MAML3: variants seen among roughly 807,000 people sequenced by gnomAD.
The protein encoded by MAML3 is mastermind like transcriptional coactivator 3, also known as mastermind-like protein 3.
MAML3 carries 27 observed loss-of-function variants against 101.9 expected under a neutral mutation model. That is an observed-to-expected ratio of 0.27 (90% CI 0.20 to 0.37). The LOEUF (loss-of-function observed/expected upper bound fraction) is 0.37, where lower values mean the gene tolerates loss of function less well. Ranked by LOEUF, MAML3 falls within the 10% of genes least tolerant of loss-of-function variation. MAML3 has a pLI of 1.00. For missense variants in MAML3, 1,316 were observed against 1,444.9 expected, an observed-to-expected ratio of 0.91 and a Z score of 1.45; for synonymous variants, 501 against 555.9, an observed-to-expected ratio of 0.90 and a Z score of 1.39.
intron 1 of MAML3, among the ~76,000 whole-genome samples, chr4:139,902,265 A>G (rs13146133): frequency 0.73 from 104,648 of 142,462 alleles, 38,838 homozygotes; most frequent in Non-Finnish European, 0.85. Flanking sequence ...ACACACACGC[A>G]CACACACACG....
rs1473280490 is a variant in MAML3 at position 139,717,128 on chromosome 4, T to A, written c.*2195A>T. The A allele has an allele frequency of 6.6e-6, 1 of 152,572 alleles. No homozygotes were observed. Among genetic ancestry groups the A allele is most frequent in the Non-Finnish European group, 1.5e-5 (1 of 68,042 alleles). The allele number at this position is 152,572 out of a possible 1,614,324, so 9.5% of individuals were successfully genotyped here. A position where few individuals can be genotyped will look rare whatever the true frequency, so the allele number is the denominator to read the frequency against. ...AAACTTATGTACAAATAACTTTTTT[T>A]AGACATTACATATACATCAGCACCG... is the stretch of plus-strand genomic sequence containing the variant. On this transcript the variant is annotated 3_prime_UTR_variant, in exon 5 of 5. Transcript: ENST00000509479.
At chr4:139,848,919 C>T (rs1177935504) in intron 2 of MAML3, among the ~76,000 whole-genome samples, 3 of 152,154 alleles carry the variant, frequency 2.0e-5, no homozygotes, top group Non-Finnish European at 2.9e-5. Context: ...AGATTATAAA[C>T]AATTAACACA....
intron 1 of MAML3, among the ~76,000 whole-genome samples, chr4:140,031,021 G>A (rs1467770632): frequency 2.6e-5 from 4 of 152,160 alleles, no homozygotes; most frequent in Non-Finnish European, 4.4e-5. Context: ...AAACCCACCA[G>A]AAAACAGCCG....
At chr4:139,725,969 A>T (rs1434911395) in intron 3 of MAML3, 134 bp from the exon 4 acceptor site, 4 of 698,870 alleles carry the variant, frequency 5.7e-6, no homozygotes, top group Non-Finnish European at 1.0e-5. Context: ...ATATGCATAC[A>T]GGCAAGTGCA....
rs1382605814 is a variant in MAML3, at chr4:139,889,329, T to C, written c.2079+28A>G. Reference sequence around the variant, plus strand: ...GTCTGAAATGCACCACAAGAACTGCTCGAAGAGTGTGTCACTTTCACACTT... The same window carrying C: ...GTCTGAAATGCACCACAAGAACTGCCCGAAGAGTGTGTCACTTTCACACTT... On this transcript the variant is annotated intron_variant, in intron 2 of 4. Coordinates refer to ENST00000509479, the MANE Select transcript of MAML3 (RefSeq NM_018717.5). The C allele has an allele frequency of 2.5e-6, 4 of 1,613,852 alleles. No individual in the cohort carries two copies. The African/African-American group carries it at 5.3e-5, about 22-fold the overall frequency.
At chr4:139,993,245 G>A (rs375977068) in intron 1 of MAML3, among the ~76,000 whole-genome samples, 130 of 151,690 alleles carry the variant, frequency 8.6e-4, no homozygotes, top group African/African-American at 2.6e-3. Context: ...TCAGCTGCTC[G>A]GGAGGCTGAG....
intron 2 of MAML3, among the ~76,000 whole-genome samples, chr4:139,776,825 G>A (rs1030446720): frequency 6.6e-5 from 10 of 152,274 alleles, no homozygotes; most frequent in African/African-American, 1.7e-4. Flanking sequence ...TTTTACTGGC[G>A]TGACACTGTT....
At chr4:140,064,071 C>T (rs780556601) in intron 1 of MAML3, among the ~76,000 whole-genome samples, 29 of 152,164 alleles carry the variant, frequency 1.9e-4, no homozygotes, top group Non-Finnish European at 4.1e-4. Context: ...TACCTTGTCC[C>T]CATTTCTTAC....
chr4:139,753,689 C>T (rs968460133), intron 2 of MAML3, among the ~76,000 whole-genome samples: 1 of 152,170 alleles, frequency 6.6e-6, no homozygotes, highest in African/African-American at 2.4e-5. Context: ...AATAAGTTTA[C>T]AAGGCTACTC....
intron 1 of MAML3, among the ~76,000 whole-genome samples, chr4:140,035,566 G>A (rs1160209540): frequency 6.6e-6 from 1 of 152,158 alleles, no homozygotes; most frequent in African/African-American, 2.4e-5. Flanking sequence ...GGGAGGCCAA[G>A]CAGGTAGATC....
intron 1 of MAML3, among the ~76,000 whole-genome samples, chr4:139,994,796 T>G (rs1734773336): frequency 1.3e-5 from 2 of 151,888 alleles, no homozygotes; most frequent in South Asian, 4.1e-4. Flanking sequence ...GGTGTGTGTG[T>G]GTGTGTGTGT....
intron 2 of MAML3, among the ~76,000 whole-genome samples, chr4:139,864,936 T>G (rs1158987447): frequency 1.1e-4 from 16 of 142,908 alleles, no homozygotes; most frequent in African/African-American, 3.3e-4. Context: ...TTTTTTTTTT[T>G]TTTTTTTTTT....
chr4:139,789,797 A>G (rs557796012), intron 2 of MAML3, among the ~76,000 whole-genome samples: 1 of 152,104 alleles, frequency 6.6e-6, no homozygotes, highest in Non-Finnish European at 1.5e-5. Context: ...TGTTTTTCCA[A>G]CCTCAACTAT....
At chr4:139,907,605 C>T (rs1264092694) in intron 1 of MAML3, among the ~76,000 whole-genome samples, 1 of 152,198 alleles carries the variant, frequency 6.6e-6, no homozygotes, top group African/African-American at 2.4e-5. Flanking sequence ...GAATTTGTGA[C>T]TTTTTGATGG....
At chr4:140,032,056 A>C (rs1323077221) in intron 1 of MAML3, among the ~76,000 whole-genome samples, 1 of 152,206 alleles carries the variant, frequency 6.6e-6, no homozygotes, top group Non-Finnish European at 1.5e-5. Context: ...GAAAATATGA[A>C]ACTTGGATCT....
Position 139,943,872 on chromosome 4 carries a change from T to TTTTTTTTTTTTTTTTTG in MAML3, c.469-52922_469-52906dup, listed in dbSNP as rs1733654213. 1.5e-5 allele frequency among the ~76,000 whole-genome samples: 2 copies of TTTTTTTTTTTTTTTTTG among 133,564 alleles called. 1 individual carries two copies. The highest frequency in any genetic ancestry group is 3.2e-5 in the Non-Finnish European group (2 of 61,968). The allele number at this position is 133,564 out of a possible 152,430, so 87.6% of individuals were successfully genotyped here. On this transcript the variant is annotated intron_variant, in intron 1 of 4. Coordinates refer to ENST00000509479, the MANE Select transcript of MAML3 (RefSeq NM_018717.5). ...TGTGGGCCTAAAGACAACTTTTTTTTTTTTTTTTTTTTTTTTGAGACGGAA... is the reference window on the plus strand; with the variant it reads ...TGTGGGCCTAAAGACAACTTTTTTTTTTTTTTTTTTTTTTTTGTTTTTTTTTTTTTTTTGAGACGGAA...
intron 1 of MAML3, among the ~76,000 whole-genome samples, chr4:140,148,085 C>T (rs1044352917): frequency 2.6e-5 from 4 of 152,202 alleles, no homozygotes; most frequent in African/African-American, 4.8e-5. Flanking sequence ...AATTCCTCAT[C>T]CTTCTTCTTC....
chr4:139,776,983 C>G (rs1325611242), intron 2 of MAML3, among the ~76,000 whole-genome samples: 3 of 152,034 alleles, frequency 2.0e-5, no homozygotes, highest in African/African-American at 4.8e-5. Flanking sequence ...CATTGTTTAT[C>G]CTGGAGGAAA....
chr4:139,934,312 C>T (rs556109648), intron 1 of MAML3, among the ~76,000 whole-genome samples: 150 of 150,710 alleles, frequency 1.0e-3, no homozygotes, highest in Non-Finnish European at 1.9e-3. Flanking sequence ...GGTGTGTGTG[C>T]GTGTGAGTGA....
Sources: allele counts gnomAD v4.1 joint callset (sites outside exome capture counted in the v4.1 genomes callset), GRCh38; gene constraint gnomAD v4.1.1; transcripts MANE v1.5; gene names NCBI Gene and HGNC (gene_info 2026-07-23, HGNC 2026-07-21).